The following GLDN variants were observed in gnomAD, a reference collection of about 807,000 sequenced individuals.
GLDN encodes gliomedin.
GLDN carries 47 observed loss-of-function variants against 56.5 expected under a neutral mutation model. The ratio of observed to expected loss-of-function variants is 0.83; its 90% CI spans 0.66 to 1.06. The LOEUF (loss-of-function observed/expected upper bound fraction) is 1.06, where lower values mean the gene tolerates loss of function less well. Ranked by LOEUF, GLDN falls within the 50% of genes least tolerant of loss-of-function variation. The pLI is 0.00. For synonymous variants in GLDN, 332 were observed against 278.8 expected (o/e 1.19, Z -1.90); for missense variants, 782 against 714.3 (o/e 1.09, Z -1.08).
At chr15:51,411,453 T>G (rs1039425963), downstream of GLDN, among the ~76,000 whole-genome samples, 1 of 152,178 alleles carries the variant, frequency 6.6e-6, no homozygotes, top group African/African-American at 2.4e-5. Context: ...TTGTGTAGAC[T>G]TTGTGGGCAT....
intron 9 of GLDN, among the ~76,000 whole-genome samples, chr15:51,403,774 C>A (rs1033575209): frequency 1.3e-5 from 2 of 152,220 alleles, no homozygotes; most frequent in African/African-American, 2.4e-5. Context: ...ATAACCCCCA[C>A]ACTTAGAGTT....
chr15:51,380,028 C>G (rs148947043), intron 2 of GLDN, among the ~76,000 whole-genome samples: 1 of 152,116 alleles, frequency 6.6e-6, no homozygotes, highest in Admixed American at 6.6e-5. Context: ...ACCTTTCCTG[C>G]ACTTGTGCCC....
At chr15:51,364,762 C>T (rs902183401) in intron 1 of GLDN, among the ~76,000 whole-genome samples, 121 of 152,090 alleles carry the variant, frequency 8.0e-4, no homozygotes, top group African/African-American at 2.8e-3. Flanking sequence ...TTTTCTCCCT[C>T]ATTATTGGTT....
rs16964348 is a variant in GLDN, at chr15:51,405,766, A to G, written c.*1012A>G. On this transcript the variant is annotated 3_prime_UTR_variant, in exon 10 of 10. Coordinates refer to ENST00000335449, the MANE Select transcript of GLDN (RefSeq NM_181789.4). ...TTGCAGTGTTCAGAAGAGAGGCTCC[A>G]TTTGTGGCTATTATGTAGAACTGGG... 0.11 allele frequency: 16,461 copies of G among 152,214 alleles called. 1,242 individuals carry two copies. Among genetic ancestry groups the G allele is most frequent in the African/African-American group, 0.2 (8,463 of 41,518 alleles). The allele number at this position is 152,214 out of a possible 1,614,324, so 9.4% of individuals were successfully genotyped here. A position where few individuals can be genotyped will look rare whatever the true frequency, so the allele number is the denominator to read the frequency against.
At chr15:51,374,712 T>C (rs2037592775) in intron 1 of GLDN, among the ~76,000 whole-genome samples, 1 of 151,072 alleles carries the variant, frequency 6.6e-6, no homozygotes, top group South Asian at 2.1e-4. Context: ...AAATTATCTG[T>C]ACACATTTCT....
intron 4 of GLDN, among the ~76,000 whole-genome samples, chr15:51,389,577 C>A (rs2037971536): frequency 6.6e-6 from 1 of 152,126 alleles, no homozygotes; most frequent in African/African-American, 2.4e-5. Flanking sequence ...ATGGATTGTG[C>A]AGCAGAACTA....
chr15:51,368,817 G>A (rs1034271550), intron 1 of GLDN, among the ~76,000 whole-genome samples: 6 of 152,030 alleles, frequency 3.9e-5, no homozygotes, highest in African/African-American at 9.7e-5. Flanking sequence ...GCCTATATCC[G>A]TTGGTTTAAT....
intron 1 of GLDN, among the ~76,000 whole-genome samples, chr15:51,366,861 C>G (rs1159154382): frequency 6.6e-6 from 1 of 150,718 alleles, no homozygotes; most frequent in Non-Finnish European, 1.5e-5. Context: ...GCCTGGACAA[C>G]AGAGTAAGAC....
rs1221319594 is a variant in GLDN at position 51,405,922 on chromosome 15, G to A, written c.*1168G>A. 1 of 152,204 alleles carries A rather than the reference G, an allele frequency of 6.6e-6. No homozygotes were observed. Among genetic ancestry groups the A allele is most frequent in the East Asian group, 1.9e-4 (1 of 5,202 alleles). 9.4% of individuals were successfully genotyped at this position (152,204 alleles called of 1,614,324 possible). ...CAGAGTCGAGTCATTGCAACAAAGAGCATATGGCCCCACAGTGCCTAAAAT... is the reference window on the plus strand; with the variant it reads ...CAGAGTCGAGTCATTGCAACAAAGAACATATGGCCCCACAGTGCCTAAAAT... On this transcript the variant is annotated 3_prime_UTR_variant, in exon 10 of 10. Coordinates refer to ENST00000335449, the MANE Select transcript of GLDN (RefSeq NM_181789.4).
At chr15:51,396,896 T>C (rs1171160768) in intron 5 of GLDN, among the ~76,000 whole-genome samples, 4 of 152,206 alleles carry the variant, frequency 2.6e-5, no homozygotes, top group African/African-American at 4.8e-5. Flanking sequence ...TTAAGACGTG[T>C]TTTGACAGGG....
chr15:51,385,308 C>T (rs79387491), intron 4 of GLDN: 5,159 of 152,066 alleles, frequency 0.034, 305 homozygotes, highest in African/African-American at 0.12. Flanking sequence ...GTGTGGGGCA[C>T]GTAGGAAAGG....
chr15:51,376,379 C>A (rs1483724930), intron 1 of GLDN, among the ~76,000 whole-genome samples: 2 of 152,174 alleles, frequency 1.3e-5, no homozygotes, highest in African/African-American at 4.8e-5. Flanking sequence ...AATGGCTCAC[C>A]TGTATAGGAC....
chr15:51,377,979 T>C (rs963544367), intron 2 of GLDN, among the ~76,000 whole-genome samples: 1 of 152,150 alleles, frequency 6.6e-6, no homozygotes, highest in Non-Finnish European at 1.5e-5. Context: ...GCTGGATCTC[T>C]CAGTTGATGG....
At chr15:51,352,921 A>C (rs894992834) in intron 1 of GLDN, among the ~76,000 whole-genome samples, 3 of 144,250 alleles carry the variant, frequency 2.1e-5, no homozygotes, top group Non-Finnish European at 4.5e-5. Context: ...CTTGGGAAGC[A>C]CAGCACCTTT....
chr15:51,359,371 G>T (rs2037247531), intron 1 of GLDN, among the ~76,000 whole-genome samples: 1 of 152,224 alleles, frequency 6.6e-6, no homozygotes, highest in Non-Finnish European at 1.5e-5. Flanking sequence ...CGAAAAAGAG[G>T]CCACAGCTAA....
At chr15:51,412,729 G>A (rs2038479922), downstream of GLDN, among the ~76,000 whole-genome samples, 1 of 151,992 alleles carries the variant, frequency 6.6e-6, no homozygotes, top group African/African-American at 2.4e-5. Flanking sequence ...TTTTAATTGA[G>A]ATATTTAGAC....
chr15:51,348,159 G>A (rs1240696037), intron 1 of GLDN, among the ~76,000 whole-genome samples: 1 of 152,054 alleles, frequency 6.6e-6, no homozygotes, highest in African/African-American at 2.4e-5. Context: ...CTGCTCCTAG[G>A]CCAGGGAGCA....
At chr15:51,398,248 C>T (rs573157027) in intron 6 of GLDN, among the ~76,000 whole-genome samples, 2 of 152,360 alleles carry the variant, frequency 1.3e-5, no homozygotes, top group South Asian at 2.1e-4. Flanking sequence ...TAGAAATTCA[C>T]ACTTTGAGAC....
intron 2 of GLDN, among the ~76,000 whole-genome samples, chr15:51,381,020 G>A (rs1329934104): frequency 6.6e-6 from 1 of 152,138 alleles, no homozygotes; most frequent in Non-Finnish European, 1.5e-5. Flanking sequence ...ACCCCAGATG[G>A]GGCCTGGGTA....
Sources: gnomAD v4.1 joint callset for allele counts (sites outside exome capture counted in the v4.1 genomes callset) on GRCh38, gnomAD v4.1.1 for gene constraint, MANE v1.5 for transcripts, NCBI Gene and HGNC (gene_info 2026-07-23, HGNC 2026-07-21) for gene names.